Variants in CEP63 observed in about 807,000 individuals in gnomAD.
CEP63 encodes the protein centrosomal protein 63.
Under a neutral mutation model 89.1 loss-of-function variants are expected in CEP63, and 84 were observed. That is an observed-to-expected ratio of 0.94 (90% CI 0.79 to 1.13). CEP63 has a LOEUF of 1.13. CEP63 is among the 50% of genes most tolerant of loss of function. The probability of loss-of-function intolerance (pLI) is 0.00; values close to 1 mark genes in which losing one functional copy is unlikely to be tolerated. For missense variants in CEP63, 838 were observed against 813.3 expected (o/e 1.03, Z -0.37); for synonymous variants, 267 against 272.5 (o/e 0.98, Z 0.20).
At chr3:134,555,041 A>G (rs1157328569) in intron 12 of CEP63, among the ~76,000 whole-genome samples, 1 of 152,154 alleles carries the variant, frequency 6.6e-6, no homozygotes, top group African/African-American at 2.4e-5. Flanking sequence ...ATCTCAATAG[A>G]TGCAGAAAAG....
At chr3:134,709,558 T>A in the CEP63 span, among the ~76,000 whole-genome samples, 1 of 152,206 alleles carries the variant, frequency 6.6e-6, no homozygotes, top group Non-Finnish European at 1.5e-5. Flanking sequence ...GATGTCTTCT[T>A]CCCACACTGG....
chr3:134,607,555 C>T, the CEP63 span: 1 of 985,470 alleles, frequency 1.0e-6, no homozygotes, highest in African/African-American at 1.7e-5. Context: ...ACCCGACTTA[C>T]AGGGCTGTGC....
chr3:134,497,520 T>C (rs1940534602), intron 2 of CEP63, among the ~76,000 whole-genome samples: 1 of 152,028 alleles, frequency 6.6e-6, no homozygotes, highest in South Asian at 2.1e-4. Flanking sequence ...CATAGGCATG[T>C]CATCTGGCTA....
the CEP63 span, among the ~76,000 whole-genome samples, chr3:134,683,778 T>A: frequency 6.6e-6 from 1 of 152,034 alleles, no homozygotes; most frequent in Admixed American, 6.5e-5. Context: ...TGCTCTGAGA[T>A]GGTTCCCATC....
Position 134,558,248 on chromosome 3 carries a change from C to A in CEP63, c.1574C>A (p.Ser525Tyr), listed in dbSNP as rs1212299558. The change falls in exon 13 of 15, where the codon TCT becomes TAT. Residue 525 changes from serine to tyrosine, a missense_variant. Physicochemically the swap from Ser to Tyr is moderately radical, Grantham distance 144 (BLOSUM62 -2). Coordinates refer to ENST00000675561, the MANE Select transcript of CEP63 (RefSeq NM_001353108.3). ...QLQKDLMNTK[S>Y]QLEISTQMCK... ...CAGAAAGATTTGATGAATACCAAAT[C>A]TCAGCTGGAGATTTCTACTCAGATG... 2 of 1,613,614 alleles carry A rather than the reference C, an allele frequency of 1.2e-6. No homozygotes were observed. The highest frequency in any genetic ancestry group is 1.7e-5 in the Admixed American group (1 of 60,014).
In CEP63 at chr3:134,507,113, T is replaced by C; in HGVS notation, c.49T>C (p.Phe17Leu). Residue 17 changes from phenylalanine to leucine, a missense_variant, in exon 3 of 15, where the codon TTT becomes CTT. Transcript: ENST00000675561. ...ATGATCTGTTCTTCTTTATAGGGGA[T>C]TTTTGACATCTTGTGAAGCAGAACT... The part of the protein sequence containing the change: ...GIQNRGHGGG[F>L]LTSCEAELQE... 1 of 1,613,038 alleles carries C rather than the reference T, an allele frequency of 6.2e-7. No homozygotes were observed. Among genetic ancestry groups the C allele is most frequent in the Non-Finnish European group, 8.5e-7 (1 of 1,179,264 alleles).
At chr3:134,517,714 A>G (rs1261497780) in intron 3 of CEP63, among the ~76,000 whole-genome samples, 2 of 152,224 alleles carry the variant, frequency 1.3e-5, no homozygotes, top group African/African-American at 4.8e-5. Flanking sequence ...TAATTCATGG[A>G]TCAGTGAGGA....
chr3:134,510,698 G>T (rs1944648323), intron 3 of CEP63: 3 of 560,758 alleles, frequency 5.3e-6, no homozygotes, highest in East Asian at 8.4e-5. Context: ...TGAAACTGGA[G>T]GTGAACCCAA....
At chr3:134,726,457 CAG>C in the CEP63 span, among the ~76,000 whole-genome samples, 92,775 of 135,774 alleles carry the variant, frequency 0.68, 30,693 homozygotes, top group East Asian at 0.77. Context: ...GGCACACAGA[CAG>C]ACACACACAC....
chr3:134,488,204 A>G (rs1398163304), intron 1 of CEP63: 1 of 152,258 alleles, frequency 6.6e-6, no homozygotes, highest in African/African-American at 2.4e-5. Flanking sequence ...TGCGCATGCA[A>G]GGAATCTAGG....
chr3:134,621,258 A>C, the CEP63 span, among the ~76,000 whole-genome samples: 2 of 152,254 alleles, frequency 1.3e-5, no homozygotes, highest in African/African-American at 4.8e-5. Context: ...GGCTCCAAGC[A>C]GCCAAAACAA....
At position 134,544,637 on chromosome 3, in the gene CEP63, G is replaced by GGC. The variant is rs1046736642; in HGVS notation, c.556-948_556-947insCG. ...AGAATAATTACAACATGCTCTAGGT[G>GGC]GGGGGGGGAATTTAAACTACAAATT... On this transcript the variant is annotated intron_variant, in intron 6 of 14. Transcript: ENST00000675561. Among the ~76,000 whole-genome samples, 7 of 18,078 alleles carry GGC rather than the reference G, an allele frequency of 3.9e-4. No individual in the cohort carries two copies. In the East Asian group the frequency reaches 0.025, roughly 64 times the overall value. 11.9% of individuals were successfully genotyped at this position (18,078 alleles called of 152,430 possible). A position where few individuals can be genotyped will look rare whatever the true frequency, so the allele number is the denominator to read the frequency against.
intron 5 of CEP63, chr3:134,536,557 T>C (rs546297003): frequency 1.3e-5 from 2 of 158,028 alleles, no homozygotes; most frequent in East Asian, 3.7e-4. Context: ...GTTACAAATA[T>C]TTGTTAAAAT....
chr3:134,543,002 C>A (rs1173561159), intron 6 of CEP63, among the ~76,000 whole-genome samples: 1 of 150,780 alleles, frequency 6.6e-6, no homozygotes, highest in Non-Finnish European at 1.5e-5. Context: ...AGATAATTAT[C>A]AGAAATAATC....
At chr3:134,589,066 A>G (rs76093684), downstream of CEP63, among the ~76,000 whole-genome samples, 2,812 of 152,314 alleles carry the variant, frequency 0.018, 66 homozygotes, top group African/African-American at 0.055. Flanking sequence ...TAATTGAAAA[A>G]CTTCCTACAA....
chr3:134,740,265 C>CA, the CEP63 span, among the ~76,000 whole-genome samples: 4 of 134,064 alleles, frequency 3.0e-5, no homozygotes, highest in African/African-American at 9.0e-5. Context: ...TTATTCTTTT[C>CA]TTTTATTTAT....
At chr3:134,532,617 CA>C in intron 4 of CEP63, 160 bp from the exon 5 acceptor site, 1 of 550,610 alleles carries the variant, frequency 1.8e-6, no homozygotes, top group Non-Finnish European at 3.2e-6. Context: ...GTTTGTTTTA[CA>C]TATTTAATTT....
At chr3:134,500,807 T>C (rs952916047) in intron 2 of CEP63, among the ~76,000 whole-genome samples, 2 of 150,294 alleles carry the variant, frequency 1.3e-5, no homozygotes, top group African/African-American at 5.0e-5. Flanking sequence ...TGTCGGTAGT[T>C]TTTTTTTCTG....
At chr3:134,746,125 T>A in the CEP63 span, among the ~76,000 whole-genome samples, 25 of 150,050 alleles carry the variant, frequency 1.7e-4, no homozygotes, top group Non-Finnish European at 2.2e-4. Flanking sequence ...TGTGTCCAAG[T>A]GTTCTCATTG....
Sources: gnomAD v4.1 joint callset for allele counts (sites outside exome capture counted in the v4.1 genomes callset) on GRCh38, gnomAD v4.1.1 for gene constraint, MANE v1.5 for transcripts, NCBI Gene and HGNC (gene_info 2026-07-23, HGNC 2026-07-21) for gene names.